PCDH9: variants seen among roughly 807,000 people sequenced by gnomAD.
PCDH9 encodes the protein protocadherin 9.
PCDH9 carries 24 observed loss-of-function variants against 70.6 expected under a neutral mutation model. The ratio of observed to expected loss-of-function variants is 0.34; its 90% CI spans 0.25 to 0.48. PCDH9 has a LOEUF of 0.48. PCDH9 is among the 20% of genes least tolerant of loss of function. PCDH9 has a pLI of 0.99. For synonymous variants in PCDH9, 562 were observed against 558.5 expected, an observed-to-expected ratio of 1.01 and a Z score of -0.09; for missense variants, 1,281 against 1,503.6, an observed-to-expected ratio of 0.85 and a Z score of 2.45.
At chr13:67,030,123 C>G (rs1419094707) in intron 2 of PCDH9, among the ~76,000 whole-genome samples, 1 of 152,088 alleles carries the variant, frequency 6.6e-6, no homozygotes, top group African/African-American at 2.4e-5. Flanking sequence ...CTCTGTCACC[C>G]AGGCTGGAGT....
At chr13:66,713,625 G>GTGTATATATATATATATATA (rs1379996611) in intron 3 of PCDH9, among the ~76,000 whole-genome samples, 10 of 109,994 alleles carry the variant, frequency 9.1e-5, no homozygotes, top group African/African-American at 2.6e-4. Context: ...GTGTGTGTGT[G>GTGTATATATATATATATATA]TATATATATA....
chr13:67,056,931 A>T (rs1450531895), intron 2 of PCDH9, among the ~76,000 whole-genome samples: 2 of 152,200 alleles, frequency 1.3e-5, no homozygotes, highest in Admixed American at 1.3e-4. Context: ...TATGCAAAAA[A>T]TTTTGGATAC....
intron 2 of PCDH9, among the ~76,000 whole-genome samples, chr13:67,044,355 C>A (rs373676039): frequency 2.0e-4 from 30 of 152,194 alleles, no homozygotes; most frequent in African/African-American, 6.5e-4. Context: ...AAAGAAGAGA[C>A]AAAAATTCAC....
In PCDH9 at chr13:67,225,568, A is replaced by T. The variant is rs746048951; in HGVS notation, c.2873T>A (p.Val958Glu). ...FHLKPDTPVS[V>E]KKHHVIQELP... is the part of the protein sequence containing the mutation. ...TTCCTGAATCACGTGGTGCTTTTTC[A>T]CGGAAACTGGAGTGTCTGGTTTGAG... The change falls in exon 2 of 5, where the codon GTG becomes GAG. Residue 958 changes from valine to glutamate, a missense_variant. By Grantham distance (121) the Val-to-Glu change is moderately radical. Around this residue, in one of 4 missense-constraint regions of PCDH9, gnomAD observed 207 missense variants for 191.8 expected, o/e 1.08. Transcript: ENST00000377865. 4.3e-6 allele frequency: 7 copies of T among 1,614,008 alleles called. No homozygotes were observed. The highest frequency in any genetic ancestry group is 1.7e-5 in the Admixed American group (1 of 59,998).
At chr13:67,154,595 A>AAAATAT (rs1555313195) in intron 2 of PCDH9, among the ~76,000 whole-genome samples, 1 of 88,990 alleles carries the variant, frequency 1.1e-5, no homozygotes, top group Non-Finnish European at 2.1e-5. Flanking sequence ...AAAAAAAAAA[A>AAAATAT]ATATATATAT....
At chr13:66,465,109 G>T (rs1416660354) in intron 4 of PCDH9, among the ~76,000 whole-genome samples, 1 of 151,746 alleles carries the variant, frequency 6.6e-6, no homozygotes, top group Non-Finnish European at 1.5e-5. Flanking sequence ...ACCATCTTGG[G>T]GGAAATGTGA....
intron 2 of PCDH9, among the ~76,000 whole-genome samples, chr13:66,986,349 C>G (rs1223601889): frequency 6.6e-6 from 1 of 151,970 alleles, no homozygotes; most frequent in African/African-American, 2.4e-5. Flanking sequence ...GGGACACAGG[C>G]AAACCATATC....
At chr13:66,596,529 G>T (rs1206575570) in intron 4 of PCDH9, among the ~76,000 whole-genome samples, 4 of 151,430 alleles carry the variant, frequency 2.6e-5, no homozygotes, top group Non-Finnish European at 5.9e-5. Flanking sequence ...TCTTCTATAT[G>T]TTACACATAT....
chr13:66,937,414 T>C (rs17082002), intron 2 of PCDH9, among the ~76,000 whole-genome samples: 11,865 of 152,262 alleles, frequency 0.078, 908 homozygotes, highest in African/African-American at 0.2. Flanking sequence ...TCTATCTGCA[T>C]CATATGTATC....
intron 3 of PCDH9, among the ~76,000 whole-genome samples, chr13:66,648,561 C>A (rs182725933): frequency 6.6e-6 from 1 of 152,216 alleles, no homozygotes; most frequent in Admixed American, 6.5e-5. Context: ...GGTCACAACA[C>A]CCAACTCCCT....
chr13:66,986,210 A>T (rs1206715791), intron 2 of PCDH9, among the ~76,000 whole-genome samples: 1 of 151,998 alleles, frequency 6.6e-6, no homozygotes, highest in Non-Finnish European at 1.5e-5. Flanking sequence ...ATCAGATCTC[A>T]TGAGATTTCA....
chr13:67,088,778 C>T (rs1426083951), intron 2 of PCDH9, among the ~76,000 whole-genome samples: 3 of 151,978 alleles, frequency 2.0e-5, no homozygotes, highest in Non-Finnish European at 2.9e-5. Context: ...TTATCAAACA[C>T]GTCTTAAAAT....
At position 67,228,345 on chromosome 13, in the gene PCDH9, C is replaced by T. The variant is rs1271383137; in HGVS notation, c.96G>A (p.Glu32=). ...CTATGGGCACATTTTCAGGCAATTC[C>T]TCTCTAATAGTGTAAATAAGTTCTT... ...IAQELIYTIR[E]ELPENVPIGN... is the part of the protein sequence containing the mutation. Residue 32 remains glutamate, a synonymous_variant, in exon 2 of 5, where the codon GAG becomes GAA. Transcript: ENST00000377865. The T allele has an allele frequency of 5.6e-6, 9 of 1,614,150 alleles. No individual in the cohort carries two copies. Among genetic ancestry groups the T allele is most frequent in the Non-Finnish European group, 7.6e-6 (9 of 1,180,000 alleles).
chr13:66,324,787 T>A (rs1257009078), intron 4 of PCDH9, among the ~76,000 whole-genome samples: 1 of 152,022 alleles, frequency 6.6e-6, no homozygotes, highest in East Asian at 1.9e-4. Context: ...AATCTGGAAA[T>A]ATTCAAAACA....
Position 67,192,752 on chromosome 13 carries a change from T to A in PCDH9, c.3036+32653A>T, listed in dbSNP as rs567210416. Among the ~76,000 whole-genome samples the A allele has an allele frequency of 4.7e-4, 72 of 152,290 alleles. 1 individual carries two copies. Among genetic ancestry groups the A allele is most frequent in the African/African-American group, 1.7e-3 (70 of 41,588 alleles). On this transcript the variant is annotated intron_variant, in intron 2 of 4. Coordinates refer to ENST00000377865, the MANE Select transcript of PCDH9 (RefSeq NM_203487.3). The stretch of plus-strand genomic sequence containing the variant: ...TGTGGATAAAATAACACAGATAACC[T>A]GTAAGAGGGATAGTCCTTTCTTTAC...
chr13:67,083,745 A>C (rs992118614), intron 2 of PCDH9, among the ~76,000 whole-genome samples: 1 of 152,212 alleles, frequency 6.6e-6, no homozygotes, highest in African/African-American at 2.4e-5. Context: ...GAAACACCAG[A>C]GAGGGCTGTT....
At chr13:66,615,235 G>A (rs2077341360) in intron 4 of PCDH9, among the ~76,000 whole-genome samples, 1 of 152,188 alleles carries the variant, frequency 6.6e-6, no homozygotes, top group South Asian at 2.1e-4. Flanking sequence ...GGGGAGGAAA[G>A]TCTTTGAAGA....
At chr13:66,833,164 G>C (rs2080957900) in intron 3 of PCDH9, among the ~76,000 whole-genome samples, 1 of 152,120 alleles carries the variant, frequency 6.6e-6, no homozygotes, top group Non-Finnish European at 1.5e-5. Context: ...CTTGAGGAGA[G>C]CTATGCTGCT....
intron 3 of PCDH9, among the ~76,000 whole-genome samples, chr13:66,670,966 C>G (rs2078166531): frequency 6.8e-6 from 1 of 147,980 alleles, no homozygotes; most frequent in Non-Finnish European, 1.5e-5. Context: ...TGGCTTTGTG[C>G]TCACCCAAAT....
Sources: gnomAD v4.1 joint callset for allele counts (sites outside exome capture counted in the v4.1 genomes callset) on GRCh38, gnomAD v4.1.1 for gene constraint, gnomAD v4.1.1 regional missense constraint, MANE v1.5 for transcripts, NCBI Gene and HGNC (gene_info 2026-07-23, HGNC 2026-07-21) for gene names.